The following MACC1 variants were observed in gnomAD, a reference collection of about 807,000 sequenced individuals.
MACC1 encodes the protein MET transcriptional regulator MACC1, also known as metastasis-associated in colon cancer protein 1.
In MACC1, 79 loss-of-function variants were observed where a neutral mutation model predicts 70.7. The ratio of observed to expected loss-of-function variants is 1.12; its 90% CI spans 0.93 to 1.35. The LOEUF (loss-of-function observed/expected upper bound fraction) is 1.35. Ranked by LOEUF, MACC1 falls within the 40% of genes most tolerant of loss-of-function variation. The pLI is 0.00. For synonymous variants in MACC1, 361 were observed against 347.2 expected (o/e 1.04, Z -0.44); for missense variants, 1,106 against 978.1 (o/e 1.13, Z -1.74).
rs992963948 is a variant in MACC1, at chr7:20,140,206, C to A, written c.*740G>T. 1 of 152,150 alleles carries A rather than the reference C, an allele frequency of 6.6e-6. No homozygotes were observed. The highest frequency in any genetic ancestry group is 1.5e-5 in the Non-Finnish European group (1 of 68,022). The allele number at this position is 152,150 out of a possible 1,614,324, so 9.4% of individuals were successfully genotyped here. A position where few individuals can be genotyped will look rare whatever the true frequency, so the allele number is the denominator to read the frequency against. Reference sequence around the variant, plus strand: ...GTAGCAAGTCTCACTTAAAATGAAACGGCAACTGTTTCCCTGTAAGTCTTA... The same window carrying A: ...GTAGCAAGTCTCACTTAAAATGAAAAGGCAACTGTTTCCCTGTAAGTCTTA... On this transcript the variant is annotated 3_prime_UTR_variant, in exon 7 of 7. Coordinates refer to ENST00000400331, the MANE Select transcript of MACC1 (RefSeq NM_182762.4).
At position 20,138,801 on chromosome 7, in the gene MACC1, T is replaced by C. The variant is rs1370824412; in HGVS notation, c.*2145A>G. 2 of 151,722 alleles carry C rather than the reference T, an allele frequency of 1.3e-5. No homozygotes were observed. Among genetic ancestry groups the C allele is most frequent in the Non-Finnish European group, 1.5e-5 (1 of 67,936 alleles). 9.4% of individuals were successfully genotyped at this position (151,722 alleles called of 1,614,324 possible). On this transcript the variant is annotated 3_prime_UTR_variant, in exon 7 of 7. Transcript: ENST00000400331. ...CATTCTCCTGCCTCAGCCTCCTGAG[T>C]AGCTGGGACTACAGGCGCCTGCCAC...
At chr7:20,210,816 T>G (rs2128109445) in intron 1 of MACC1, among the ~76,000 whole-genome samples, 1 of 152,280 alleles carries the variant, frequency 6.6e-6, no homozygotes, top group East Asian at 1.9e-4. Flanking sequence ...ATTAATTAAC[T>G]TTCTCAAAAA....
chr7:20,170,149 G>C (rs1225472973), intron 2 of MACC1: 1 of 152,230 alleles, frequency 6.6e-6, no homozygotes, highest in Non-Finnish European at 1.5e-5. Flanking sequence ...TTTGAAAATA[G>C]ACAGACGTAA....
At chr7:20,151,184 AG>A (rs1465147876) in intron 6 of MACC1, among the ~76,000 whole-genome samples, 1 of 152,182 alleles carries the variant, frequency 6.6e-6, no homozygotes, top group East Asian at 1.9e-4. Flanking sequence ...CCATAGAAAA[AG>A]TATTGTCATT....
intron 1 of MACC1, among the ~76,000 whole-genome samples, chr7:20,199,084 G>A (rs1439146698): frequency 6.6e-6 from 1 of 152,196 alleles, no homozygotes; most frequent in Non-Finnish European, 1.5e-5. Context: ...AATTTATGGA[G>A]GGCCTATCAT....
chr7:20,206,896 C>T (rs538778131), intron 1 of MACC1, among the ~76,000 whole-genome samples: 9 of 152,312 alleles, frequency 5.9e-5, no homozygotes, highest in Admixed American at 3.3e-4. Flanking sequence ...TTACCTCCTC[C>T]GGCCCCCCAG....
chr7:20,185,879 G>T lies in MACC1; in HGVS notation c.-217-15101C>A, dbSNP rs192063879. Among the ~76,000 whole-genome samples the T allele has an allele frequency of 1.2e-3, 184 of 152,302 alleles. 1 individual carries two copies. Among genetic ancestry groups the T allele is most frequent in the Non-Finnish European group, 2.0e-3 (136 of 68,030 alleles). On this transcript the variant is annotated intron_variant, in intron 1 of 6. Coordinates refer to ENST00000400331, the MANE Select transcript of MACC1 (RefSeq NM_182762.4). ...GCAGTTGGGGAGACTGAGATACATA[G>T]AGATTAATTAACCTACCCAACATCA... is the stretch of plus-strand genomic sequence containing the variant.
intron 2 of MACC1, among the ~76,000 whole-genome samples, chr7:20,168,015 G>A (rs766411888): frequency 3.9e-5 from 6 of 152,150 alleles, no homozygotes; most frequent in Non-Finnish European, 8.8e-5. Flanking sequence ...ATGAAGAAAG[G>A]AGAAAAGCAT....
chr7:20,194,568 C>A (rs2128107518), intron 1 of MACC1, among the ~76,000 whole-genome samples: 1 of 152,344 alleles, frequency 6.6e-6, no homozygotes, highest in African/African-American at 2.4e-5. Context: ...TCAGCCTCAA[C>A]CTCTTGGCCC....
At chr7:20,162,208 G>A (rs1025625211) in intron 3 of MACC1, among the ~76,000 whole-genome samples, 1 of 152,096 alleles carries the variant, frequency 6.6e-6, no homozygotes, top group Non-Finnish European at 1.5e-5. Context: ...CCTGTTTGGC[G>A]ATTGGAGGAC....
chr7:20,167,127 C>T (rs1782232834), intron 2 of MACC1, among the ~76,000 whole-genome samples: 1 of 152,062 alleles, frequency 6.6e-6, no homozygotes, highest in African/African-American at 2.4e-5. Context: ...TCATGCATGG[C>T]TTTTCTTGTT....
In MACC1 at chr7:20,136,688, T is replaced by C. The variant is rs1202791172; in HGVS notation, c.*4258A>G. 4 of 152,148 alleles carry C rather than the reference T, an allele frequency of 2.6e-5. No individual in the cohort carries two copies. The highest frequency in any genetic ancestry group is 4.8e-5 in the African/African-American group (2 of 41,546). The allele number at this position is 152,148 out of a possible 1,614,324, so 9.4% of individuals were successfully genotyped here. On this transcript the variant is annotated 3_prime_UTR_variant, in exon 7 of 7. Transcript: ENST00000400331. The stretch of plus-strand genomic sequence containing the variant: ...TCTTTGGATTATCCCACCAATCATA[T>C]TGATGTTCTTTAGAACTTCACTCTC...
At chr7:20,144,296 CAG>C (rs1188226549) in intron 6 of MACC1, among the ~76,000 whole-genome samples, 13 of 152,084 alleles carry the variant, frequency 8.5e-5, no homozygotes, top group African/African-American at 2.4e-4. Flanking sequence ...AACACTGGCA[CAG>C]GGGATGAAAT....
At chr7:20,176,597 A>C (rs981323670) in intron 1 of MACC1, among the ~76,000 whole-genome samples, 1 of 152,180 alleles carries the variant, frequency 6.6e-6, no homozygotes, top group Non-Finnish European at 1.5e-5. Flanking sequence ...AGAAATGAAA[A>C]CTTATTTTCA....
Position 20,158,648 on chromosome 7 carries a change from T to C in MACC1, c.1713A>G (p.Glu571=), listed in dbSNP as rs775616180. Residue 571 remains glutamate, a synonymous_variant, in exon 5 of 7, where the codon GAA becomes GAG. Transcript: ENST00000400331. The part of the protein sequence containing the change: ...LRQSKIDYFL[E]YFKGDTIALL... ...GAGCTATTGTGTCCCCTTTGAAATA[T>C]TCAAGGAAGTAATCAATCTTGCTTT... The C allele has an allele frequency of 6.8e-6, 11 of 1,613,956 alleles. No homozygotes were observed. In the Admixed American group the frequency reaches 1.8e-4, roughly 27 times the overall value.
intron 1 of MACC1, among the ~76,000 whole-genome samples, chr7:20,194,155 T>A (rs543956212): frequency 6.6e-6 from 1 of 152,178 alleles, no homozygotes; most frequent in African/African-American, 2.4e-5. Context: ...TCAAATACGA[T>A]GGAGTCCATT....
chr7:20,147,693 T>C (rs1781913600), intron 6 of MACC1, among the ~76,000 whole-genome samples: 1 of 152,184 alleles, frequency 6.6e-6, no homozygotes, highest in Admixed American at 6.5e-5. Flanking sequence ...TGGTTAAAAC[T>C]TGACACAAGA....
Position 20,138,145 on chromosome 7 carries a change from T to A in MACC1, c.*2801A>T, listed in dbSNP as rs1416382393. ...TCCAGTCTGGGCAACAGAGCCAGAC[T>A]CTGGCTCAAAAAAAAAAAAAAAAAA... On this transcript the variant is annotated 3_prime_UTR_variant, in exon 7 of 7. Coordinates refer to ENST00000400331, the MANE Select transcript of MACC1 (RefSeq NM_182762.4). 1.1e-5 allele frequency: 1 copy of A among 92,976 alleles called. No individual in the cohort carries two copies. The highest frequency in any genetic ancestry group is 4.7e-5 in the African/African-American group (1 of 21,420). The allele number at this position is 92,976 out of a possible 1,614,324, so 5.8% of individuals were successfully genotyped here. A position where few individuals can be genotyped will look rare whatever the true frequency, so the allele number is the denominator to read the frequency against.
intron 4 of MACC1, among the ~76,000 whole-genome samples, chr7:20,160,968 A>T (rs2128103030): frequency 6.6e-6 from 1 of 152,248 alleles, no homozygotes; most frequent in African/African-American, 2.4e-5. Flanking sequence ...GCAAATAATA[A>T]TTTTACCACT....
Sources: allele counts gnomAD v4.1 joint callset (sites outside exome capture counted in the v4.1 genomes callset), GRCh38; gene constraint gnomAD v4.1.1; transcripts MANE v1.5; gene names NCBI Gene and HGNC (gene_info 2026-07-23, HGNC 2026-07-21).